The following ARSK variants were observed in gnomAD, a reference collection of about 807,000 sequenced individuals.
ARSK encodes the protein arylsulfatase family member K, also known as arylsulfatase K.
In ARSK, 37 loss-of-function variants were observed where a neutral mutation model predicts 53.2. The observed-to-expected ratio is 0.70, with a 90% CI of 0.54 to 0.92. ARSK has a LOEUF of 0.92. ARSK is among the 40% of genes least tolerant of loss of function. The pLI is 0.00. For synonymous variants in ARSK, 208 were observed against 223.2 expected, an observed-to-expected ratio of 0.93 and a Z score of 0.61; for missense variants, 613 against 643.0, an observed-to-expected ratio of 0.95 and a Z score of 0.51.
chr5:95,594,267 C>T (rs574725460), intron 6 of ARSK, among the ~76,000 whole-genome samples: 1 of 152,172 alleles, frequency 6.6e-6, no homozygotes, highest in East Asian at 1.9e-4. Flanking sequence ...AGCCAGGAGA[C>T]AACATTGTAA....
Position 95,603,353 on chromosome 5 carries a change from G to A in ARSK, c.1438G>A (p.Val480Ile), listed in dbSNP as rs776389185. 1.9e-6 allele frequency: 3 copies of A among 1,612,712 alleles called. No individual in the cohort carries two copies. In the Admixed American group the frequency reaches 5.0e-5, roughly 27 times the overall value. ...IINYPKVSAS[V>I]HQYNKEQFIK... ...AAACTACCCTAAAGTTTCTGCTTCT[G>A]TCCACCAGTATAATAAAGAGCAGTT... The change falls in exon 8 of 8, where the codon GTC (valine) becomes ATC (isoleucine). Residue 480 changes from valine to isoleucine, a missense_variant. By Grantham distance (29) the Val-to-Ile change is conservative. Transcript: ENST00000380009.
At chr5:95,574,677 T>C (rs1350443541) in intron 3 of ARSK, among the ~76,000 whole-genome samples, 1 of 150,164 alleles carries the variant, frequency 6.7e-6, no homozygotes, top group Non-Finnish European at 1.5e-5. Context: ...TTGCCCATTA[T>C]TTAATCCGAT....
chr5:95,593,130 T>G (rs1749246239), intron 6 of ARSK, among the ~76,000 whole-genome samples: 2 of 152,284 alleles, frequency 1.3e-5, no homozygotes, highest in Non-Finnish European at 2.9e-5. Context: ...ATTTCCTTCC[T>G]TAATTTTTCT....
chr5:95,598,428 C>T (rs1749346972), intron 6 of ARSK, among the ~76,000 whole-genome samples: 1 of 152,096 alleles, frequency 6.6e-6, no homozygotes, highest in Non-Finnish European at 1.5e-5. Context: ...CCAATAAATA[C>T]TTGAAGTATT....
intron 6 of ARSK, among the ~76,000 whole-genome samples, chr5:95,597,833 G>T (rs1407184742): frequency 6.7e-6 from 1 of 150,300 alleles, no homozygotes; most frequent in Non-Finnish European, 1.5e-5. Context: ...GGCAGAGGTT[G>T]CAGTGAGCCA....
At chr5:95,572,458 A>C (rs943457761) in intron 3 of ARSK, among the ~76,000 whole-genome samples, 22 of 152,188 alleles carry the variant, frequency 1.4e-4, no homozygotes, top group Admixed American at 5.9e-4. Flanking sequence ...GTTTAAGTTC[A>C]AATTTGCTGT....
intron 6 of ARSK, among the ~76,000 whole-genome samples, chr5:95,596,348 C>T (rs1173178390): frequency 6.6e-6 from 1 of 152,094 alleles, no homozygotes; most frequent in East Asian, 1.9e-4. Context: ...ATTCTTAGAG[C>T]TCTCAAAGTC....
intron 1 of ARSK, among the ~76,000 whole-genome samples, chr5:95,563,380 G>T (rs1748672715): frequency 6.6e-6 from 1 of 152,176 alleles, no homozygotes; most frequent in Non-Finnish European, 1.5e-5. Flanking sequence ...CTGGATTAGA[G>T]ATTCATTTCA....
rs1285174547 is a variant in ARSK at position 95,568,059 on chromosome 5, A to G, written c.416+10A>G. On this transcript the variant is annotated intron_variant, in intron 3 of 7. Transcript: ENST00000380009. ...GACATCACTCCATTAGGTAAAAATA[A>G]AACAAAAATAATCATCATGGACTGC... is the stretch of plus-strand genomic sequence containing the variant. The G allele has an allele frequency of 6.2e-7, 1 of 1,611,426 alleles. No individual in the cohort carries two copies. The highest frequency in any genetic ancestry group is 8.5e-7 in the Non-Finnish European group (1 of 1,178,882).
At chr5:95,601,181 C>T (rs961245021) in intron 7 of ARSK, 110 bp downstream of exon 7, 3 of 1,053,498 alleles carry the variant, frequency 2.8e-6, no homozygotes, top group African/African-American at 3.2e-5. Flanking sequence ...ATATCTGCTG[C>T]TTCTCATGCT....
In ARSK at chr5:95,603,256, T is replaced by A. The variant is rs759474568; in HGVS notation, c.1341T>A (p.Asp447Glu). 19 of 1,580,824 alleles carry A rather than the reference T, an allele frequency of 1.2e-5. 1 individual carries two copies. In the South Asian group the frequency reaches 2.3e-4, roughly 19 times the overall value. Residue 447 changes from aspartate (D) to glutamate (E), a missense_variant, in exon 8 of 8, where the codon GAT becomes GAA. Asp to Glu is a conservative substitution (Grantham distance 45). Transcript: ENST00000380009. The stretch of plus-strand genomic sequence containing the variant: ...TTTCAGATCTTTCCTCGGATCCAGA[T>A]GAATTAACAAATGTTGCTGTAAAAT... ...PQLFDLSSDPDELTNVAVKFP... is the reference protein window; with the variant it reads ...PQLFDLSSDPEELTNVAVKFP...
At chr5:95,563,670 A>ATATTGATAT (rs1317308777) in intron 1 of ARSK, among the ~76,000 whole-genome samples, 1 of 152,252 alleles carries the variant, frequency 6.6e-6, no homozygotes, top group Non-Finnish European at 1.5e-5. Flanking sequence ...GATATGCTGC[A>ATATTGATAT]GTAGTCATTT....
chr5:95,591,333 A>T, intron 5 of ARSK, 68 bp from the exon 6 acceptor site: 1 of 1,338,336 alleles, frequency 7.5e-7, no homozygotes. Context: ...GAGTGGTTAT[A>T]AACTTAATGT....
At chr5:95,585,259 G>C (rs745734750) in intron 4 of ARSK, among the ~76,000 whole-genome samples, 11 of 152,200 alleles carry the variant, frequency 7.2e-5, no homozygotes, top group Non-Finnish European at 1.5e-4. Flanking sequence ...ATGGAAAACA[G>C]TGTGGAGATT....
chr5:95,583,075 T>G lies in ARSK; in HGVS notation c.576T>G (p.Ile192Met), dbSNP rs961422036. 1.9e-6 allele frequency: 3 copies of G among 1,613,788 alleles called. No individual in the cohort carries two copies. The Admixed American group carries it at 5.0e-5, about 27-fold the overall frequency. ...KAVNWLRKEA[I>M]NYTEPFVIYL... is the part of the protein sequence containing the mutation. ...TAAACTGGTTAAGAAAGGAAGCAAT[T>G]AATTACACTGAACCATTTGTTATTT... The change falls in exon 4 of 8, where the codon ATT (isoleucine) becomes ATG (methionine). Residue 192 changes from isoleucine (I) to methionine (M), a missense_variant. Transcript: ENST00000380009.
At chr5:95,567,665 C>T (rs868104929) in intron 2 of ARSK, among the ~76,000 whole-genome samples, 12 of 152,168 alleles carry the variant, frequency 7.9e-5, no homozygotes, top group Admixed American at 2.0e-4. Flanking sequence ...AAGCACTAAG[C>T]GTTAGTCAAC....
In ARSK at chr5:95,566,226, G is replaced by A. The variant is rs1389817425; in HGVS notation, c.256+99G>A. The A allele has an allele frequency of 2.8e-6, 4 of 1,430,596 alleles. No homozygotes were observed. The South Asian group carries it at 4.0e-5, about 14-fold the overall frequency. The allele number at this position is 1,430,596 out of a possible 1,614,324, so 88.6% of individuals were successfully genotyped here. On this transcript the variant is annotated intron_variant, in intron 2 of 7. Transcript: ENST00000380009. ...ACCTAAAAGTAGAATAGTTGTATTT[G>A]GCCTCAATAAAATTGTTTTAATATA...
intron 4 of ARSK, among the ~76,000 whole-genome samples, chr5:95,584,926 C>T (rs973943501): frequency 6.6e-6 from 1 of 152,100 alleles, no homozygotes; most frequent in Admixed American, 6.6e-5. Context: ...TGGAGAATCG[C>T]TTGAACCTGG....
chr5:95,598,382 A>C (rs896024367), intron 6 of ARSK, among the ~76,000 whole-genome samples: 8 of 152,238 alleles, frequency 5.3e-5, no homozygotes, highest in Admixed American at 4.6e-4. Context: ...TAAATATATG[A>C]AAAATGAAAA....
Sources: gnomAD v4.1 joint callset for allele counts (sites outside exome capture counted in the v4.1 genomes callset) on GRCh38, gnomAD v4.1.1 for gene constraint, MANE v1.5 for transcripts, NCBI Gene and HGNC (gene_info 2026-07-23, HGNC 2026-07-21) for gene names.